The following ETNK1 variants were observed in gnomAD, a reference collection of about 807,000 sequenced individuals.
ETNK1 encodes the protein ethanolamine kinase 1.
ETNK1 carries 8 observed loss-of-function variants against 45.1 expected under a neutral mutation model. The observed-to-expected ratio is 0.18, with a 90% confidence interval of 0.10 to 0.32. The LOEUF is 0.32. Ranked by LOEUF, ETNK1 falls within the 10% of genes least tolerant of loss-of-function variation. The pLI, the probability that ETNK1 is intolerant of heterozygous loss-of-function variation, is 1.00. For synonymous variants in ETNK1, 152 were observed against 151.9 expected (o/e 1.00, Z -0.01); for missense variants, 302 against 430.6 (o/e 0.70, Z 2.64).
At position 22,680,895 on chromosome 12, in the gene ETNK1, C is replaced by T. The variant is rs553084991; in HGVS notation, c.946-3588C>T. On this transcript the variant is annotated intron_variant, in intron 6 of 7. Coordinates refer to ENST00000266517, the MANE Select transcript of ETNK1 (RefSeq NM_018638.5). The stretch of plus-strand genomic sequence containing the variant: ...TGGCTTTGTGGAGCTTTTCTTCCCC[C>T]GCCCCCCCCTCCATTATATGCACAC... 2.4e-4 allele frequency among the ~76,000 whole-genome samples: 15 copies of T among 63,604 alleles called. 2 individuals are homozygous for T. The highest frequency in any genetic ancestry group is 6.3e-4 in the Admixed American group (3 of 4,796). The allele number at this position is 63,604 out of a possible 152,430, so 41.7% of individuals were successfully genotyped here. A position where few individuals can be genotyped will look rare whatever the true frequency, so the allele number is the denominator to read the frequency against.
At chr12:22,661,037 T>C (rs1953993844) in intron 3 of ETNK1, 26 bp from the exon 4 acceptor site, 1 of 1,590,934 alleles carries the variant, frequency 6.3e-7, no homozygotes, top group Non-Finnish European at 8.5e-7. Flanking sequence ...TCACACAAGA[T>C]ATAACTCTTC....
intron 6 of ETNK1, among the ~76,000 whole-genome samples, chr12:22,680,900 C>T (rs114055614): frequency 3.7e-5 from 5 of 136,702 alleles, no homozygotes; most frequent in East Asian, 2.2e-4. Flanking sequence ...TCCCCCGCCC[C>T]CCCCTCCATT....
chr12:22,650,481 T>A (rs998630144), intron 2 of ETNK1, among the ~76,000 whole-genome samples: 9 of 152,072 alleles, frequency 5.9e-5, no homozygotes, highest in African/African-American at 1.9e-4. Flanking sequence ...TGAGTTTTTA[T>A]GATAATGAGT....
At chr12:22,639,854 T>C (rs1429805330) in intron 1 of ETNK1, among the ~76,000 whole-genome samples, 1 of 152,262 alleles carries the variant, frequency 6.6e-6, no homozygotes, top group East Asian at 1.9e-4. Flanking sequence ...AATGGTTTTA[T>C]TCATTGAAGA....
chr12:22,683,785 T>G (rs1954235170), intron 6 of ETNK1, among the ~76,000 whole-genome samples: 1 of 152,192 alleles, frequency 6.6e-6, no homozygotes, highest in Non-Finnish European at 1.5e-5. Flanking sequence ...TTAATACTGT[T>G]TCTACTTAGA....
At chr12:22,644,428 T>C in intron 2 of ETNK1, 2 of 1,110,980 alleles carry the variant, frequency 1.8e-6, no homozygotes, top group Non-Finnish European at 2.3e-6. Context: ...CTTTGTTCTT[T>C]ACGTTGTTCA....
intron 1 of ETNK1, among the ~76,000 whole-genome samples, chr12:22,641,104 T>C (rs1325107312): frequency 6.6e-6 from 1 of 152,182 alleles, no homozygotes; most frequent in African/African-American, 2.4e-5. Context: ...GTCATTGTTC[T>C]CCAGCCAGAG....
chr12:22,644,209 A>G (rs774990696), intron 2 of ETNK1, 187 bp downstream of exon 2: 1 of 1,591,202 alleles, frequency 6.3e-7, no homozygotes, highest in Admixed American at 1.8e-5. Flanking sequence ...TTATATTTGC[A>G]GTTTATCATC....
At chr12:22,670,798 GAATTCAGGTCTTT>G in intron 4 of ETNK1, among the ~76,000 whole-genome samples, 1 of 152,318 alleles carries the variant, frequency 6.6e-6, no homozygotes, top group African/African-American at 2.4e-5. Context: ...AAGATTTACA[GAATTCAGGTCTTT>G]AAAAGTTTAT....
At chr12:22,684,698 C>A in intron 7 of ETNK1, 142 bp downstream of exon 7, 1 of 764,888 alleles carries the variant, frequency 1.3e-6, no homozygotes, top group Non-Finnish European at 2.1e-6. Flanking sequence ...GAAGAAATTG[C>A]TATAAGCTGT....
intron 3 of ETNK1, among the ~76,000 whole-genome samples, chr12:22,659,984 T>TA (rs144051346): frequency 0.047 from 7,053 of 151,440 alleles, 543 homozygotes; most frequent in African/African-American, 0.16. Context: ...TGTTCATGAT[T>TA]TAAGTTTTAT....
chr12:22,628,565 T>A (rs1304242676), intron 1 of ETNK1, among the ~76,000 whole-genome samples: 1 of 152,130 alleles, frequency 6.6e-6, no homozygotes, highest in African/African-American at 2.4e-5. Flanking sequence ...AGTCATCGTA[T>A]AAAGGAATAA....
intron 2 of ETNK1, among the ~76,000 whole-genome samples, chr12:22,645,231 G>A (rs1249611084): frequency 6.6e-6 from 1 of 151,652 alleles, no homozygotes; most frequent in Non-Finnish European, 1.5e-5. Flanking sequence ...ATTAATAGAT[G>A]CATAGATTGG....
At chr12:22,647,698 T>A (rs545011907) in intron 2 of ETNK1, among the ~76,000 whole-genome samples, 6 of 152,088 alleles carry the variant, frequency 3.9e-5, no homozygotes, top group Admixed American at 2.6e-4. Context: ...TATGGGATGG[T>A]AAGATTAAAG....
intron 2 of ETNK1, among the ~76,000 whole-genome samples, chr12:22,647,469 A>G (rs192987199): frequency 6.6e-6 from 1 of 152,048 alleles, no homozygotes; most frequent in African/African-American, 2.4e-5. Flanking sequence ...AGCAACAATT[A>G]AAAGTCTCTT....
chr12:22,638,347 G>T (rs73080473), intron 1 of ETNK1: 11,771 of 151,784 alleles, frequency 0.078, 520 homozygotes, highest in South Asian at 0.14. Flanking sequence ...TGCCTCCAGG[G>T]TTTAAATGAT....
chr12:22,640,284 T>C (rs1953718214), intron 1 of ETNK1, among the ~76,000 whole-genome samples: 1 of 152,120 alleles, frequency 6.6e-6, no homozygotes, highest in Non-Finnish European at 1.5e-5. Flanking sequence ...AGTATACATT[T>C]TAGGGATTAA....
intron 6 of ETNK1, among the ~76,000 whole-genome samples, chr12:22,674,673 A>ATTCCATTTATGCATTGAATTAGTTAAT (rs1954143141): frequency 6.6e-6 from 1 of 152,228 alleles, no homozygotes; most frequent in Non-Finnish European, 1.5e-5. Context: ...TCAGCCTAAT[A>ATTCCATTTATGCATTGAATTAGTTAAT]TTCCATTTAT....
rs1954280308 is a variant in ETNK1, at chr12:22,688,633, A to G, written c.*3679A>G. On this transcript the variant is annotated 3_prime_UTR_variant, in exon 8 of 8. Transcript: ENST00000266517. ...TTTTAATCAATCAGTCATTCAGTTG[A>G]TAGACAAAGTTAGCGATGCTTTATG... 6.6e-6 allele frequency: 1 copy of G among 152,370 alleles called. No homozygotes were observed. The highest frequency in any genetic ancestry group is 1.5e-5 in the Non-Finnish European group (1 of 67,814). The allele number at this position is 152,370 out of a possible 1,614,324, so 9.4% of individuals were successfully genotyped here. A position where few individuals can be genotyped will look rare whatever the true frequency, so the allele number is the denominator to read the frequency against.
Sources: gnomAD v4.1 joint callset for allele counts (sites outside exome capture counted in the v4.1 genomes callset) on GRCh38, gnomAD v4.1.1 for gene constraint, MANE v1.5 for transcripts, NCBI Gene and HGNC (gene_info 2026-07-23, HGNC 2026-07-21) for gene names.